Variants in SGK1 observed in about 807,000 individuals in gnomAD.
SGK1 encodes serine/threonine-protein kinase Sgk1.
SGK1 carries 26 observed loss-of-function variants against 64.2 expected under a neutral mutation model. The observed-to-expected ratio is 0.40, with a 90% CI of 0.30 to 0.56. The LOEUF is 0.56. Among genes scored for constraint, SGK1 ranks in the 20% least tolerant of loss-of-function variants. The pLI, the probability that SGK1 is intolerant of heterozygous loss-of-function variation, is 0.38. For synonymous variants in SGK1, 265 were observed against 239.7 expected, an observed-to-expected ratio of 1.11 and a Z score of -0.98; for missense variants, 519 against 645.6, an observed-to-expected ratio of 0.80 and a Z score of 2.12.
chr6:134,176,019 C>T, intron 3 of SGK1: 6 of 1,019,484 alleles, frequency 5.9e-6, no homozygotes, highest in Non-Finnish European at 7.0e-6. Flanking sequence ...CTGAAGTAAT[C>T]TCTGAGAACA....
intron 2 of SGK1, chr6:134,211,343 G>GT (rs1775886872): frequency 6.6e-6 from 1 of 152,108 alleles, no homozygotes; most frequent in South Asian, 2.1e-4. Context: ...GATTGTAGAT[G>GT]TAAGACTGAA....
intron 1 of SGK1, among the ~76,000 whole-genome samples, chr6:134,287,817 G>C (rs1185164331): frequency 6.6e-6 from 1 of 151,970 alleles, no homozygotes; most frequent in Admixed American, 6.6e-5. Flanking sequence ...AGAGACATAG[G>C]GGACCCTGTG....
intron 2 of SGK1, among the ~76,000 whole-genome samples, chr6:134,254,486 C>T (rs1044178801): frequency 2.0e-5 from 3 of 152,192 alleles, no homozygotes; most frequent in Admixed American, 6.5e-5. Context: ...TGTACCTGTT[C>T]ACTTTCTACG....
intron 2 of SGK1, among the ~76,000 whole-genome samples, chr6:134,258,463 G>A (rs890643353): frequency 6.6e-6 from 1 of 152,104 alleles, no homozygotes; most frequent in Non-Finnish European, 1.5e-5. Context: ...CCAGCACTTT[G>A]GGAGGCCGAG....
chr6:134,204,970 T>TTTCC (rs1775746577), intron 3 of SGK1, among the ~76,000 whole-genome samples: 1 of 114,456 alleles, frequency 8.7e-6, no homozygotes. Flanking sequence ...TCTTTCTTTC[T>TTTCC]TTTTCTTTCT....
chr6:134,184,326 G>A (rs1435703843), intron 3 of SGK1, among the ~76,000 whole-genome samples: 1 of 151,372 alleles, frequency 6.6e-6, no homozygotes, highest in South Asian at 2.1e-4. Flanking sequence ...GTGAAACCCC[G>A]TCCCTACTTA....
At chr6:134,221,762 C>T (rs1032213261) in intron 2 of SGK1, among the ~76,000 whole-genome samples, 2 of 151,860 alleles carry the variant, frequency 1.3e-5, no homozygotes, top group African/African-American at 4.8e-5. Flanking sequence ...AAGCAATTCT[C>T]GTACCTCAGC....
At position 134,271,099 on chromosome 6, in the gene SGK1, CTAAGG is replaced by C. The variant is rs1776934255; in HGVS notation, c.70-8956_70-8952del. Among the ~76,000 whole-genome samples, 2 of 131,090 alleles carry C rather than the reference CTAAGG, an allele frequency of 1.5e-5. 1 individual carries two copies. Among genetic ancestry groups the C allele is most frequent in the Non-Finnish European group, 3.6e-5 (2 of 55,292 alleles). The allele number at this position is 131,090 out of a possible 152,430, so 86.0% of individuals were successfully genotyped here. ...TGGGAGGCCGAGGCAGGCAGATCAC[CTAAGG>C]TCAGGAGTTTGAGACCAGTCTGGCC... On this transcript the variant is annotated intron_variant, in intron 1 of 13. Coordinates refer to ENST00000367858, the MANE Select transcript of SGK1 (RefSeq NM_001143676.3).
chr6:134,283,110 G>A (rs1777119522), intron 1 of SGK1: 1 of 152,196 alleles, frequency 6.6e-6, no homozygotes, highest in African/African-American at 2.4e-5. Flanking sequence ...CAAGTGCAAT[G>A]GTGTTTACAA....
chr6:134,265,013 A>G (rs1021967898), intron 1 of SGK1, among the ~76,000 whole-genome samples: 6 of 152,242 alleles, frequency 3.9e-5, no homozygotes, highest in Admixed American at 2.6e-4. Flanking sequence ...TGTTTAAGCA[A>G]TTTATTATAT....
intron 2 of SGK1, among the ~76,000 whole-genome samples, chr6:134,250,293 T>C (rs933334198): frequency 1.3e-5 from 2 of 152,238 alleles, no homozygotes; most frequent in African/African-American, 4.8e-5. Flanking sequence ...CACTGTCTGC[T>C]ACTCAAGGTC....
intron 2 of SGK1, among the ~76,000 whole-genome samples, chr6:134,225,116 G>C (rs1460473976): frequency 2.0e-5 from 3 of 151,624 alleles, no homozygotes; most frequent in African/African-American, 7.3e-5. Flanking sequence ...TTGGGAGGCC[G>C]AGGCAGGTGG....
intron 2 of SGK1, among the ~76,000 whole-genome samples, chr6:134,229,503 A>C (rs1776243955): frequency 1.3e-5 from 2 of 152,230 alleles, no homozygotes; most frequent in African/African-American, 2.4e-5. Flanking sequence ...TAGATTGGTC[A>C]CATGTGCTTA....
At chr6:134,244,054 T>C (rs1776488108) in intron 2 of SGK1, among the ~76,000 whole-genome samples, 2 of 152,152 alleles carry the variant, frequency 1.3e-5, no homozygotes. Flanking sequence ...GGCATACACA[T>C]GCCATGGTGA....
At chr6:134,268,575 T>C (rs1776891692) in intron 1 of SGK1, among the ~76,000 whole-genome samples, 1 of 132,324 alleles carries the variant, frequency 7.6e-6, no homozygotes. Context: ...ACAAAAAAAA[T>C]TGCCGGGCGT....
chr6:134,174,906 G>C, intron 3 of SGK1: 1 of 1,569,236 alleles, frequency 6.4e-7, no homozygotes, highest in Non-Finnish European at 8.6e-7. Flanking sequence ...AGGCACCGCC[G>C]CGGGGGCGGG....
At chr6:134,184,487 A>G (rs1209534150) in intron 3 of SGK1, among the ~76,000 whole-genome samples, 3 of 140,324 alleles carry the variant, frequency 2.1e-5, no homozygotes, top group Non-Finnish European at 4.6e-5. Flanking sequence ...CCTGGGTGAC[A>G]GAGTGAGACT....
At chr6:134,208,896 GTA>G (rs35364662) in intron 2 of SGK1, among the ~76,000 whole-genome samples, 4 of 147,444 alleles carry the variant, frequency 2.7e-5, no homozygotes, top group Non-Finnish European at 4.5e-5. Flanking sequence ...GTATGTGTGT[GTA>G]TATATATATA....
At chr6:134,225,078 G>A (rs1299246595) in intron 2 of SGK1, among the ~76,000 whole-genome samples, 1 of 151,120 alleles carries the variant, frequency 6.6e-6, no homozygotes, top group Non-Finnish European at 1.5e-5. Context: ...GGCCGATGCG[G>A]TGGCTCATGG....
Sources: allele counts gnomAD v4.1 joint callset (sites outside exome capture counted in the v4.1 genomes callset), GRCh38; gene constraint gnomAD v4.1.1; transcripts MANE v1.5; gene names NCBI Gene and HGNC (gene_info 2026-07-23, HGNC 2026-07-21).